Variants in ZNF462 observed in about 807,000 individuals in gnomAD.
ZNF462 encodes the protein zinc finger PBX1-interacting protein.
In ZNF462, 10 loss-of-function variants were observed where a neutral mutation model predicts 201.9. The ratio of observed to expected loss-of-function variants is 0.05; its 90% CI spans 0.03 to 0.08. ZNF462 has a LOEUF of 0.08. Ranked by LOEUF, ZNF462 falls within the 10% of genes least tolerant of loss-of-function variation. The probability of loss-of-function intolerance (pLI) is 1.00; values close to 1 mark genes in which losing one functional copy is unlikely to be tolerated. For synonymous variants in ZNF462, 1,227 were observed against 1,193.3 expected, an observed-to-expected ratio of 1.03 and a Z score of -0.58; for missense variants, 2,523 against 3,168.3, an observed-to-expected ratio of 0.80 and a Z score of 4.89.
At position 106,917,156 on chromosome 9, in the gene ZNF462, G is replaced by T. The variant is rs1274284657; in HGVS notation, c.-30-6198G>T. 6.6e-6 allele frequency among the ~76,000 whole-genome samples: 1 copy of T among 152,136 alleles called. No individual in the cohort carries two copies. Among genetic ancestry groups the T allele is most frequent in the Non-Finnish European group, 1.5e-5 (1 of 68,018 alleles). ...CACTTACTACCTGCTTTCATAACAGGTCACTCAGCCGGAATGACTTCTTAT... is the reference window on the plus strand; with the variant it reads ...CACTTACTACCTGCTTTCATAACAGTTCACTCAGCCGGAATGACTTCTTAT... On this transcript the variant is annotated intron_variant, in intron 1 of 12. Transcript: ENST00000277225. This position sits in a 1 kb window ranked among gnomAD's most constrained non-coding sequence, Gnocchi z 4.5.
At chr9:106,948,940 T>A (rs1831225927) in intron 7 of ZNF462, among the ~76,000 whole-genome samples, 1 of 152,178 alleles carries the variant, frequency 6.6e-6, no homozygotes, top group African/African-American at 2.4e-5. Context: ...CAAAAATTCA[T>A]TAATTTTATC....
At position 106,981,674 on chromosome 9, in the gene ZNF462, C is replaced by T. The variant is rs1021015944; in HGVS notation, c.6833-2512C>T. Among the ~76,000 whole-genome samples the T allele has an allele frequency of 2.6e-5, 4 of 152,118 alleles. No individual in the cohort carries two copies. Among genetic ancestry groups the T allele is most frequent in the African/African-American group, 9.7e-5 (4 of 41,432 alleles). Reference sequence around the variant, plus strand: ...ACTATTCATGACTTTGTGTAAAATTCACTTAGACACACATAGTGAAATTGG... The same window carrying T: ...ACTATTCATGACTTTGTGTAAAATTTACTTAGACACACATAGTGAAATTGG... On this transcript the variant is annotated intron_variant, in intron 9 of 12. Transcript: ENST00000277225. This position sits in a 1 kb window ranked among gnomAD's most constrained non-coding sequence, Gnocchi z 4.0.
Position 106,913,340 on chromosome 9 carries a change from T to A in ZNF462, c.-30-10014T>A, listed in dbSNP as rs979065359. 6.6e-6 allele frequency among the ~76,000 whole-genome samples: 1 copy of A among 152,202 alleles called. No homozygotes were observed. The highest frequency in any genetic ancestry group is 1.5e-5 in the Non-Finnish European group (1 of 68,026). ...TAGGTTCTTGAACGTTTAGTTCGATTTTGTACCACTGGTTAATTTTCTCCT... is the reference window on the plus strand; with the variant it reads ...TAGGTTCTTGAACGTTTAGTTCGATATTGTACCACTGGTTAATTTTCTCCT... On this transcript the variant is annotated intron_variant, in intron 1 of 12. Transcript: ENST00000277225. The surrounding 1 kb of genome is among the most constrained non-coding windows in gnomAD (Gnocchi z 4.1).
In ZNF462 at chr9:106,883,334, C is replaced by T. The variant is rs957185217; in HGVS notation, c.-31+19979C>T. Among the ~76,000 whole-genome samples, 2 of 152,168 alleles carry T rather than the reference C, an allele frequency of 1.3e-5. No homozygotes were observed. Among genetic ancestry groups the T allele is most frequent in the African/African-American group, 2.4e-5 (1 of 41,428 alleles). On this transcript the variant is annotated intron_variant, in intron 1 of 12. Transcript: ENST00000277225. This position sits in a 1 kb window ranked among gnomAD's most constrained non-coding sequence, Gnocchi z 4.9. ...TGTTAAAGCAAGACTAGGATAATAGCGGGAAAGTCAAAGCCTTTCTAAAGC... is the reference window on the plus strand; with the variant it reads ...TGTTAAAGCAAGACTAGGATAATAGTGGGAAAGTCAAAGCCTTTCTAAAGC...
rs1008332499 is a variant in ZNF462 at position 106,885,521 on chromosome 9, G to A, written c.-31+22166G>A. Among the ~76,000 whole-genome samples the A allele has an allele frequency of 3.9e-5, 6 of 152,150 alleles. No homozygotes were observed. Among genetic ancestry groups the A allele is most frequent in the Admixed American group, 1.3e-4 (2 of 15,276 alleles). ...ATAGTCTCTTTAAAGTTATTTTGAG[G>A]AGTTGGACACTACCTACTAGGTTCC... On this transcript the variant is annotated intron_variant, in intron 1 of 12. Coordinates refer to ENST00000277225, the MANE Select transcript of ZNF462 (RefSeq NM_021224.6). This position sits in a 1 kb window ranked among gnomAD's most constrained non-coding sequence, Gnocchi z 4.1.
At position 106,883,694 on chromosome 9, in the gene ZNF462, C is replaced by A. The variant is rs1021201984; in HGVS notation, c.-31+20339C>A. Reference sequence around the variant, plus strand: ...TATTGTAAACAGGGGATTAGTAAATCTTTTCCTCTGAAGTTTGGATGCGGT... The same window carrying A: ...TATTGTAAACAGGGGATTAGTAAATATTTTCCTCTGAAGTTTGGATGCGGT... On this transcript the variant is annotated intron_variant, in intron 1 of 12. Coordinates refer to ENST00000277225, the MANE Select transcript of ZNF462 (RefSeq NM_021224.6). The surrounding 1 kb of genome is among the most constrained non-coding windows in gnomAD (Gnocchi z 4.9). Among the ~76,000 whole-genome samples the A allele has an allele frequency of 6.6e-6, 1 of 152,200 alleles. No homozygotes were observed. Among genetic ancestry groups the A allele is most frequent in the Admixed American group, 6.5e-5 (1 of 15,274 alleles).
At chr9:106,893,677 GGAACTATATTTTCTAA>G (rs1828688766) in intron 1 of ZNF462, among the ~76,000 whole-genome samples, 1 of 152,190 alleles carries the variant, frequency 6.6e-6, no homozygotes, top group Non-Finnish European at 1.5e-5. Flanking sequence ...GGAGACGGCA[GGAACTATATTTTCTAA>G]GAGTCAGATT....
chr9:106,887,137 A>C (rs1828354812), intron 1 of ZNF462, among the ~76,000 whole-genome samples: 1 of 152,210 alleles, frequency 6.6e-6, no homozygotes, highest in Admixed American at 6.5e-5. Context: ...TATCCAGGGT[A>C]ACTAAGTTGT....
intron 1 of ZNF462, among the ~76,000 whole-genome samples, chr9:106,867,574 G>GAA (rs11336568): frequency 7.4e-6 from 1 of 134,980 alleles, no homozygotes. Context: ...AACTTTTAGA[G>GAA]AAAAAAAAAA....
intron 7 of ZNF462, among the ~76,000 whole-genome samples, chr9:106,944,846 TA>T (rs1010540582): frequency 1.5e-4 from 23 of 152,150 alleles, no homozygotes; most frequent in African/African-American, 2.4e-5. Context: ...TTTTTTTCTA[TA>T]AAAAGGGCCA....
rs1381737574 is a variant in ZNF462 at position 106,930,139 on chromosome 9, A to C, written c.5847+380A>C. 2.0e-5 allele frequency among the ~76,000 whole-genome samples: 3 copies of C among 152,166 alleles called. No homozygotes were observed. The highest frequency in any genetic ancestry group is 4.4e-5 in the Non-Finnish European group (3 of 68,036). On this transcript the variant is annotated intron_variant, in intron 3 of 12. Coordinates refer to ENST00000277225, the MANE Select transcript of ZNF462 (RefSeq NM_021224.6). The surrounding 1 kb of genome is among the most constrained non-coding windows in gnomAD (Gnocchi z 5.8). The stretch of plus-strand genomic sequence containing the variant: ...ACTTCTCAGCCATGTCTTGGTCTTC[A>C]GTGTTTGCTACATGAACCTAACGTC...
chr9:106,960,604 G>A (rs752347365), intron 7 of ZNF462, among the ~76,000 whole-genome samples: 1 of 152,096 alleles, frequency 6.6e-6, no homozygotes, highest in African/African-American at 2.4e-5. Flanking sequence ...ATTCGGTATT[G>A]TGAGAGCTTC....
chr9:107,001,349 C>G (rs898096879), intron 10 of ZNF462, among the ~76,000 whole-genome samples: 2 of 152,044 alleles, frequency 1.3e-5, no homozygotes, highest in South Asian at 2.1e-4. Flanking sequence ...TGTAAGCATT[C>G]CCAAGAGCCA....
At position 106,932,320 on chromosome 9, in the gene ZNF462, G is replaced by A. The variant is rs764817792; in HGVS notation, c.6013-126G>A. ...GGATGGATTGGAAGCAGCCAAAGAC[G>A]CCAGTGGCGCCCTGGTGGGCCGGGT... is the stretch of plus-strand genomic sequence containing the variant. On this transcript the variant is annotated intron_variant, in intron 4 of 12. Transcript: ENST00000277225. The surrounding 1 kb of genome is among the most constrained non-coding windows in gnomAD (Gnocchi z 6.8). 7.7e-6 allele frequency: 12 copies of A among 1,556,532 alleles called. No individual in the cohort carries two copies. The highest frequency in any genetic ancestry group is 1.7e-4 in the Middle Eastern group (1 of 6,018).
Position 106,924,490 on chromosome 9 carries a change from C to T in ZNF462, c.578C>T (p.Thr193Ile), listed in dbSNP as rs972686849. 1 of 1,614,064 alleles carries T rather than the reference C, an allele frequency of 6.2e-7. No individual in the cohort carries two copies. Among genetic ancestry groups the T allele is most frequent in the Non-Finnish European group, 8.5e-7 (1 of 1,180,046 alleles). Residue 193 changes from threonine (T) to isoleucine (I), a missense_variant, in exon 3 of 13, where the codon ACT (threonine) becomes ATT (isoleucine). By Grantham distance (89) the Thr-to-Ile change is moderately conservative. Coordinates refer to ENST00000277225, the MANE Select transcript of ZNF462 (RefSeq NM_021224.6). This position sits in a 1 kb window ranked among gnomAD's most constrained non-coding sequence, Gnocchi z 6.2. ...MYHKNNLKET[T>I]APPPAPAPMP... ...CACAAAAACAATTTGAAGGAGACCA[C>T]TGCTCCCCCACCTGCTCCTGCTCCA... is the stretch of plus-strand genomic sequence containing the variant.
Position 106,923,453 on chromosome 9 carries a change from C to G in ZNF462, c.70C>G (p.Gln24Glu), listed in dbSNP as rs1830064666. ...TTATGAAGATCTCAAGGCACACATT[C>G]AGGATGTCCACACGGCATTTCTGCA... ...PSYEDLKAHI[Q>E]DVHTAFLQPT... is the part of the protein sequence containing the mutation. The change falls in exon 2 of 13, where the codon CAG becomes GAG. Residue 24 changes from glutamine to glutamate, a missense_variant. Transcript: ENST00000277225. This position sits in a 1 kb window ranked among gnomAD's most constrained non-coding sequence, Gnocchi z 5.6. The G allele has an allele frequency of 6.2e-7, 1 of 1,614,058 alleles. No individual in the cohort carries two copies. The highest frequency in any genetic ancestry group is 8.5e-7 in the Non-Finnish European group (1 of 1,180,054).
At chr9:107,007,029 C>T (rs750906900) in intron 11 of ZNF462, among the ~76,000 whole-genome samples, 7 of 152,042 alleles carry the variant, frequency 4.6e-5, no homozygotes, top group East Asian at 1.9e-4. Context: ...GCACTGTTAC[C>T]GGAGTTTTCT....
At position 106,917,958 on chromosome 9, in the gene ZNF462, CCTT is replaced by C. The variant is rs1358212189; in HGVS notation, c.-30-5390_-30-5388del. Among the ~76,000 whole-genome samples, 2 of 151,238 alleles carry C rather than the reference CCTT, an allele frequency of 1.3e-5. No individual in the cohort carries two copies. Among genetic ancestry groups the C allele is most frequent in the African/African-American group, 4.9e-5 (2 of 41,080 alleles). On this transcript the variant is annotated intron_variant, in intron 1 of 12. Coordinates refer to ENST00000277225, the MANE Select transcript of ZNF462 (RefSeq NM_021224.6). This position sits in a 1 kb window ranked among gnomAD's most constrained non-coding sequence, Gnocchi z 4.5. ...GTGGCGCGATCTCGGCTCACTGCAA[CCTT>C]CTTCTCCCGGGTTCAAGCAATTCTC...
Position 106,926,585 on chromosome 9 carries a change from C to T in ZNF462, c.2673C>T (p.Cys891=), listed in dbSNP as rs1008111986. ...DHSAVYRCLE[C]YIDYTNFEDL... The stretch of plus-strand genomic sequence containing the variant: ...GTGCAGTGTACAGGTGCCTGGAATG[C>T]TACATCGATTACACCAACTTCGAAG... The change falls in exon 3 of 13, where the codon TGC becomes TGT. Residue 891 remains cysteine (C), a synonymous_variant. Coordinates refer to ENST00000277225, the MANE Select transcript of ZNF462 (RefSeq NM_021224.6). The surrounding 1 kb of genome is among the most constrained non-coding windows in gnomAD (Gnocchi z 7.9). 12 of 1,614,150 alleles carry T rather than the reference C, an allele frequency of 7.4e-6. No individual in the cohort carries two copies. The highest frequency in any genetic ancestry group is 1.1e-5 in the South Asian group (1 of 91,072).
Sources: allele counts gnomAD v4.1 joint callset (sites outside exome capture counted in the v4.1 genomes callset), GRCh38; gene constraint gnomAD v4.1.1; non-coding constraint Gnocchi (gnomAD v3.1); transcripts MANE v1.5; gene names NCBI Gene and HGNC (gene_info 2026-07-23, HGNC 2026-07-21).